The following ZHX1 variants were observed in gnomAD, a reference collection of about 807,000 sequenced individuals.
ZHX1 encodes zinc fingers and homeoboxes 1.
Under a neutral mutation model 61.8 loss-of-function variants are expected in ZHX1, and 20 were observed. The observed-to-expected ratio is 0.32, with a 90% CI of 0.23 to 0.47. The LOEUF is 0.47. Among genes scored for constraint, ZHX1 ranks in the 20% least tolerant of loss-of-function variants. ZHX1 has a pLI of 1.00. For synonymous variants in ZHX1, 318 were observed against 352.6 expected (o/e 0.90, Z 1.10); for missense variants, 800 against 1,034.8 (o/e 0.77, Z 3.11).
In ZHX1 at chr8:123,255,742, C is replaced by T; in HGVS notation, c.205G>A (p.Gly69Arg). ...AAAGTACAATATTTACATTCATATC[C>T]ACCTTCAACTTTTTTATTTTGCTGA... is the stretch of plus-strand genomic sequence containing the variant. ...DNQQNKKVEGGYECKYCTFQT... is the reference protein window; with the variant it reads ...DNQQNKKVEGRYECKYCTFQT... Residue 69 changes from glycine (G) to arginine (R), a missense_variant, in exon 3 of 4, where the codon GGA (glycine) becomes AGA (arginine). Coordinates refer to ENST00000395571, the MANE Select transcript of ZHX1 (RefSeq NM_007222.5). The T allele has an allele frequency of 6.2e-7, 1 of 1,613,678 alleles. No homozygotes were observed. The highest frequency in any genetic ancestry group is 2.2e-5 in the East Asian group (1 of 44,882).
At position 123,266,633 on chromosome 8, in the gene ZHX1, T is replaced by C. The variant is rs537328998; in HGVS notation, c.-226+640A>G. 1.1e-3 allele frequency among the ~76,000 whole-genome samples: 165 copies of C among 152,118 alleles called. 3 individuals carry two copies. The highest frequency in any genetic ancestry group is 2.1e-3 in the Non-Finnish European group (142 of 67,998). On this transcript the variant is annotated intron_variant, in intron 2 of 3. Coordinates refer to ENST00000395571, the MANE Select transcript of ZHX1 (RefSeq NM_007222.5). ...GTACAAATACATTCAAATATATATA[T>C]ATTTTTTACGTCACACAGGTAATGT...
chr8:123,270,039 G>T (rs913650326), intron 1 of ZHX1, among the ~76,000 whole-genome samples: 2 of 152,108 alleles, frequency 1.3e-5, no homozygotes, highest in African/African-American at 4.8e-5. Context: ...TATTTAAGGG[G>T]TATTTCATAG....
chr8:123,264,824 G>A (rs1826401191), intron 2 of ZHX1, among the ~76,000 whole-genome samples: 1 of 150,282 alleles, frequency 6.7e-6, no homozygotes, highest in Admixed American at 6.6e-5. Flanking sequence ...CTCCCAAAGT[G>A]CTGGGATTAC....
chr8:123,275,096 C>T (rs1235559558), upstream of ZHX1, among the ~76,000 whole-genome samples: 1 of 152,244 alleles, frequency 6.6e-6, no homozygotes, highest in Non-Finnish European at 1.5e-5. Flanking sequence ...CGGAGCCGCC[C>T]TCTGCCCCTC....
chr8:123,271,102 T>C (rs1826637956), intron 1 of ZHX1, among the ~76,000 whole-genome samples: 2 of 152,184 alleles, frequency 1.3e-5, no homozygotes, highest in African/African-American at 4.8e-5. Flanking sequence ...ACTTTAGTCA[T>C]GCAAATCTGG....
intron 3 of ZHX1, among the ~76,000 whole-genome samples, chr8:123,251,069 G>C (rs1313701145): frequency 6.6e-6 from 1 of 152,162 alleles, no homozygotes; most frequent in Admixed American, 6.5e-5. Context: ...AGCCTGGTGG[G>C]AGGTGACTGA....
Position 123,255,044 on chromosome 8 carries a change from G to A in ZHX1, c.903C>T (p.Asn301=), listed in dbSNP as rs1453206142. ...TTGGGTAAGGGAACTTGTTGTAGGT[G>A]TTAAGTAAAAGGGGATTGTTATCCA... is the stretch of plus-strand genomic sequence containing the variant. The part of the protein sequence containing the change: ...AALDNNPLLL[N]TYNKFPYPTM... The change falls in exon 3 of 4, where the codon AAC becomes AAT. Residue 301 remains asparagine (N), a synonymous_variant. Coordinates refer to ENST00000395571, the MANE Select transcript of ZHX1 (RefSeq NM_007222.5). The A allele has an allele frequency of 1.2e-6, 2 of 1,614,146 alleles. No homozygotes were observed. Among genetic ancestry groups the A allele is most frequent in the Admixed American group, 3.3e-5 (2 of 60,024 alleles).
In ZHX1 at chr8:123,255,875, C is replaced by G; in HGVS notation, c.72G>C (p.Leu24Phe). The change falls in exon 3 of 4, where the codon TTG becomes TTC. Residue 24 changes from leucine (L) to phenylalanine (F), a missense_variant. Physicochemically the swap from Leu to Phe is conservative, Grantham distance 22 (BLOSUM62 0). Transcript: ENST00000395571. ...GAGGACCTTCATCCAAATCTGATATCAACTCAAGGTCTGGATCTTGTTCAC... is the reference window on the plus strand; with the variant it reads ...GAGGACCTTCATCCAAATCTGATATGAACTCAAGGTCTGGATCTTGTTCAC... ...LASEQDPDLELISDLDEGPPV... is the reference protein window; with the variant it reads ...LASEQDPDLEFISDLDEGPPV... 2 of 1,614,180 alleles carry G rather than the reference C, an allele frequency of 1.2e-6. No individual in the cohort carries two copies. The highest frequency in any genetic ancestry group is 1.7e-6 in the Non-Finnish European group (2 of 1,180,030).
chr8:123,248,523 T>G lies in ZHX1; in HGVS notation c.*1801A>C, dbSNP rs1469362448. On this transcript the variant is annotated 3_prime_UTR_variant, in exon 4 of 4. Coordinates refer to ENST00000395571, the MANE Select transcript of ZHX1 (RefSeq NM_007222.5). ...ATCAACCAGAAGAGGGTTCTTTTGC[T>G]CTGTCAAATAAATATATTTAAAAGC... The G allele has an allele frequency of 6.6e-6, 1 of 152,156 alleles. No homozygotes were observed. Among genetic ancestry groups the G allele is most frequent in the Non-Finnish European group, 1.5e-5 (1 of 68,016 alleles). The allele number at this position is 152,156 out of a possible 1,614,324, so 9.4% of individuals were successfully genotyped here.
At position 123,253,663 on chromosome 8, in the gene ZHX1, C is replaced by T; in HGVS notation, c.2284G>A (p.Gly762Arg). ...GRGRPRGRPR[G>R]SKRINNWDRG... is the part of the protein sequence containing the mutation. Reference sequence around the variant, plus strand: ...TCCCAGTTGTTAATTCTTTTGCTTCCTCTAGGCCGCCCACGCGGTCTTCCT... The same window carrying T: ...TCCCAGTTGTTAATTCTTTTGCTTCTTCTAGGCCGCCCACGCGGTCTTCCT... The change falls in exon 3 of 4, where the codon GGA becomes AGA. Residue 762 changes from glycine to arginine, a missense_variant. Gly to Arg is a moderately radical substitution (Grantham distance 125). Coordinates refer to ENST00000395571, the MANE Select transcript of ZHX1 (RefSeq NM_007222.5). 1.9e-6 allele frequency: 3 copies of T among 1,614,192 alleles called. No homozygotes were observed. Among genetic ancestry groups the T allele is most frequent in the South Asian group, 1.1e-5 (1 of 91,086 alleles).
Position 123,255,487 on chromosome 8 carries a change from C to G in ZHX1, c.460G>C (p.Asp154His). The change falls in exon 3 of 4, where the codon GAT (aspartate) becomes CAT (histidine). Residue 154 changes from aspartate to histidine, a missense_variant. Physicochemically the swap from Asp to His is moderately conservative, Grantham distance 81. Transcript: ENST00000395571. ...FEQTINDLTF[D>H]GSFVKEENAE... The stretch of plus-strand genomic sequence containing the variant: ...TTCTCCTCTTTAACAAAACTACCAT[C>G]AAAAGTCAGATCATTTATTGTTTGT... 1 of 1,613,542 alleles carries G rather than the reference C, an allele frequency of 6.2e-7. No homozygotes were observed. The highest frequency in any genetic ancestry group is 1.1e-5 in the South Asian group (1 of 91,070).
In ZHX1 at chr8:123,264,228, T is replaced by C. The variant is rs188886215; in HGVS notation, c.-226+3045A>G. Among the ~76,000 whole-genome samples the C allele has an allele frequency of 1.8e-4, 28 of 152,274 alleles. 1 individual carries two copies. The highest frequency in any genetic ancestry group is 1.8e-3 in the Admixed American group (27 of 15,304). On this transcript the variant is annotated intron_variant, in intron 2 of 3. Transcript: ENST00000395571. The stretch of plus-strand genomic sequence containing the variant: ...GTATAGTTATTATAAAGACAGCAAA[T>C]GCAAATTTGCACTTAGAATCATTAC...
chr8:123,257,856 C>A lies in ZHX1; in HGVS notation c.-225-1685G>T, dbSNP rs546158658. On this transcript the variant is annotated intron_variant, in intron 2 of 3. Coordinates refer to ENST00000395571, the MANE Select transcript of ZHX1 (RefSeq NM_007222.5). ...GGTCCATGGCACAGGGGTTGGGGAC[C>A]CCTACTAGAGATCACCTTCTCCCTT... is the stretch of plus-strand genomic sequence containing the variant. 7.2e-5 allele frequency among the ~76,000 whole-genome samples: 11 copies of A among 152,172 alleles called. No homozygotes were observed. The East Asian group carries it at 1.9e-3, about 27-fold the overall frequency.
At position 123,253,481 on chromosome 8, in the gene ZHX1, C is replaced by A. The variant is rs917815662; in HGVS notation, c.2466G>T (p.Gln822His). ...ATTCTATACCTAATTCTGATCTTCT[C>A]TGTCTTTCTGCAAACCACTCTCTGA... is the stretch of plus-strand genomic sequence containing the variant. ...EQVREWFAERQRRSELGIELF... is the reference protein window; with the variant it reads ...EQVREWFAERHRRSELGIELF... Residue 822 changes from glutamine (Q) to histidine (H), a missense_variant, in exon 3 of 4, where the codon CAG (glutamine) becomes CAT (histidine). Gln to His is a conservative substitution (Grantham distance 24, BLOSUM62 0). Transcript: ENST00000395571. The A allele has an allele frequency of 5.0e-6, 8 of 1,614,138 alleles. No homozygotes were observed. In the South Asian group the frequency reaches 8.8e-5, roughly 18 times the overall value.
chr8:123,264,822 G>A (rs1826401049), intron 2 of ZHX1, among the ~76,000 whole-genome samples: 1 of 149,026 alleles, frequency 6.7e-6, no homozygotes, highest in African/African-American at 2.5e-5. Context: ...GCCTCCCAAA[G>A]TGCTGGGATT....
At chr8:123,270,807 T>C (rs933178330) in intron 1 of ZHX1, among the ~76,000 whole-genome samples, 2 of 151,184 alleles carry the variant, frequency 1.3e-5, no homozygotes, top group Non-Finnish European at 2.9e-5. Context: ...AAAAAAAATG[T>C]ATTCAACTGG....
intron 3 of ZHX1, among the ~76,000 whole-genome samples, chr8:123,252,063 C>A (rs143831780): frequency 6.6e-5 from 10 of 152,220 alleles, no homozygotes; most frequent in African/African-American, 2.4e-4. Context: ...GGATGGGATA[C>A]TCATGCAAAA....
chr8:123,256,271 C>T lies in ZHX1; in HGVS notation c.-225-100G>A, dbSNP rs967347017. 9 of 189,472 alleles carry T rather than the reference C, an allele frequency of 4.8e-5. 1 individual carries two copies. The highest frequency in any genetic ancestry group is 1.6e-4 in the African/African-American group (7 of 42,836). The allele number at this position is 189,472 out of a possible 1,614,324, so 11.7% of individuals were successfully genotyped here. On this transcript the variant is annotated intron_variant, in intron 2 of 3. Coordinates refer to ENST00000395571, the MANE Select transcript of ZHX1 (RefSeq NM_007222.5). ...ACTTATATGAAGTGGCTGGATAGCT[C>T]AGTTACAAAGATCTAGAATAAGATA...
At chr8:123,269,739 G>GT (rs1250051242) in intron 1 of ZHX1, among the ~76,000 whole-genome samples, 1 of 152,148 alleles carries the variant, frequency 6.6e-6, no homozygotes, top group Non-Finnish European at 1.5e-5. Flanking sequence ...ATTGGAATAG[G>GT]TAACACGTGT....
Sources: gnomAD v4.1 joint callset for allele counts (sites outside exome capture counted in the v4.1 genomes callset) on GRCh38, gnomAD v4.1.1 for gene constraint, MANE v1.5 for transcripts, NCBI Gene and HGNC (gene_info 2026-07-23, HGNC 2026-07-21) for gene names.